Variants in RIMS2 observed in about 807,000 individuals in gnomAD.
RIMS2 encodes the protein regulating synaptic membrane exocytosis 2.
In RIMS2, 59 loss-of-function variants were observed where a neutral mutation model predicts 174.4. That is an observed-to-expected ratio of 0.34 (90% CI 0.27 to 0.42). RIMS2 has a LOEUF of 0.42. Ranked by LOEUF, RIMS2 falls within the 10% of genes least tolerant of loss-of-function variation. RIMS2 has a pLI of 1.00. For missense variants in RIMS2, 1,620 were observed against 1,666.3 expected (o/e 0.97, Z 0.48); for synonymous variants, 606 against 572.5 (o/e 1.06, Z -0.84).
intron 1 of RIMS2, among the ~76,000 whole-genome samples, chr8:103,579,290 GACAC>G (rs756018657): frequency 7.9e-6 from 1 of 127,000 alleles, no homozygotes; most frequent in East Asian, 2.0e-4. Context: ...CACACACACA[GACAC>G]ACACACACAC....
rs192335115 is a variant in RIMS2 at position 103,724,462 on chromosome 8, A to G, written c.387+27166A>G. ...ATTTCAGGTTTTTTCTTTTGACTTC[A>G]TTTAGATGTAAAACCATTTAATTGC... is the stretch of plus-strand genomic sequence containing the variant. On this transcript the variant is annotated intron_variant, in intron 2 of 23. Coordinates refer to ENST00000504942, the Ensembl canonical transcript of RIMS2. Among the ~76,000 whole-genome samples the G allele has an allele frequency of 4.5e-4, 69 of 152,174 alleles. No homozygotes were observed. In the East Asian group the frequency reaches 0.012, roughly 26 times the overall value.
At chr8:103,912,195 T>C in intron 6 of RIMS2, 23 bp downstream of exon 9, 1 of 1,590,284 alleles carries the variant, frequency 6.3e-7, no homozygotes, top group East Asian at 2.3e-5. Flanking sequence ...AAGTATGAGA[T>C]TTTGGCTCTA....
intron 23 of RIMS2, 49 bp downstream of exon 29, chr8:104,251,212 G>T (rs1189383747): frequency 4.8e-6 from 7 of 1,451,710 alleles, no homozygotes; most frequent in Non-Finnish European, 5.7e-6. Flanking sequence ...TTTTTCATGG[G>T]GTCAGACATT....
At chr8:103,927,053 TTG>T (rs897843068) in intron 10 of RIMS2, among the ~76,000 whole-genome samples, 1 of 151,420 alleles carries the variant, frequency 6.6e-6, no homozygotes, top group Non-Finnish European at 1.5e-5. Context: ...CCTCATAAGG[TTG>T]TTGGACATAC....
intron 19 of RIMS2, among the ~76,000 whole-genome samples, chr8:104,102,743 A>T (rs1159053883): frequency 6.6e-6 from 1 of 152,172 alleles, no homozygotes; most frequent in Non-Finnish European, 1.5e-5. Flanking sequence ...TTATAAAACC[A>T]TCAGATCTCA....
intron 3 of RIMS2, among the ~76,000 whole-genome samples, chr8:103,857,568 A>T (rs1219747905): frequency 1.3e-5 from 2 of 152,016 alleles, no homozygotes; most frequent in African/African-American, 2.4e-5. Context: ...AGTTGTGTGT[A>T]TTCTGGCCTT....
intron 19 of RIMS2, among the ~76,000 whole-genome samples, chr8:104,122,964 ATG>A (rs1210102368): frequency 2.6e-5 from 4 of 152,156 alleles, no homozygotes; most frequent in African/African-American, 9.6e-5. Flanking sequence ...TGAATAAAGA[ATG>A]TATGATTTAC....
chr8:104,111,282 T>C (rs1345775074), intron 19 of RIMS2, among the ~76,000 whole-genome samples: 1 of 152,192 alleles, frequency 6.6e-6, no homozygotes, highest in Non-Finnish European at 1.5e-5. Flanking sequence ...GAATTGATCA[T>C]TTTTGCTGAC....
At chr8:104,247,460 G>A (rs185209392) in intron 20 of RIMS2, among the ~76,000 whole-genome samples, 16 of 152,220 alleles carry the variant, frequency 1.1e-4, no homozygotes, top group East Asian at 5.8e-4. Context: ...AGGGCACCAC[G>A]CAAATGGCCT....
intron 19 of RIMS2, among the ~76,000 whole-genome samples, chr8:104,134,364 C>G (rs1224722720): frequency 2.0e-5 from 3 of 152,156 alleles, no homozygotes; most frequent in Non-Finnish European, 4.4e-5. Context: ...ACTCTGGAGG[C>G]TGAGGTAGGA....
At chr8:103,806,808 C>T (rs1468627198) in intron 3 of RIMS2, among the ~76,000 whole-genome samples, 1 of 151,810 alleles carries the variant, frequency 6.6e-6, no homozygotes, top group African/African-American at 2.4e-5. Context: ...GTTGATAGAA[C>T]CTACCGATAG....
chr8:103,561,842 G>T lies in RIMS2; in HGVS notation c.176+60780G>T, dbSNP rs889209945. 1.1e-4 allele frequency among the ~76,000 whole-genome samples: 17 copies of T among 152,158 alleles called. 1 individual carries two copies. The highest frequency in any genetic ancestry group is 1.1e-3 in the Admixed American group (17 of 15,276). ...CAATTTACAAAAGAGAGGTTTAATGGACTTACAGTTCCACATGGCTGGTGA... is the reference window on the plus strand; with the variant it reads ...CAATTTACAAAAGAGAGGTTTAATGTACTTACAGTTCCACATGGCTGGTGA... On this transcript the variant is annotated intron_variant, in intron 1 of 23. Transcript: ENST00000504942.
intron 1 of RIMS2, among the ~76,000 whole-genome samples, chr8:103,602,537 T>C (rs1211323511): frequency 6.6e-6 from 1 of 152,194 alleles, no homozygotes; most frequent in Non-Finnish European, 1.5e-5. Flanking sequence ...AGCTCCCACT[T>C]ACAAGTGAGA....
intron 22 of RIMS2, 147 bp from the exon 29 acceptor site, chr8:104,250,877 A>G (rs898305111): frequency 2.4e-5 from 16 of 672,214 alleles, no homozygotes; most frequent in Non-Finnish European, 3.6e-5. Flanking sequence ...CTGTTTATCT[A>G]ATGATTTTGA....
chr8:103,566,154 A>C (rs908341933), intron 1 of RIMS2, among the ~76,000 whole-genome samples: 2 of 152,304 alleles, frequency 1.3e-5, no homozygotes, highest in Non-Finnish European at 2.9e-5. Flanking sequence ...AATTTGAGTC[A>C]AATCCAGTGC....
chr8:103,959,556 G>T (rs541811731), intron 14 of RIMS2, among the ~76,000 whole-genome samples: 4 of 151,686 alleles, frequency 2.6e-5, no homozygotes, highest in African/African-American at 9.7e-5. Flanking sequence ...GGTGCATGCC[G>T]CCATGCCTGA....
intron 1 of RIMS2, among the ~76,000 whole-genome samples, chr8:103,676,754 G>A (rs756965315): frequency 3.9e-5 from 6 of 152,106 alleles, no homozygotes; most frequent in African/African-American, 1.4e-4. Flanking sequence ...AGGCCAAGGA[G>A]GGTGGATCAC....
At chr8:103,766,155 A>T (rs2154424100) in intron 2 of RIMS2, 72 bp from the exon 6 acceptor site, 1 of 1,115,782 alleles carries the variant, frequency 9.0e-7, no homozygotes, top group Non-Finnish European at 1.3e-6. Context: ...GTTTGCTTGA[A>T]TTTTTGTCTC....
intron 1 of RIMS2, chr8:103,652,651 A>G: frequency 8.1e-6 from 11 of 1,350,618 alleles, no homozygotes; most frequent in Non-Finnish European, 1.1e-5. Flanking sequence ...GAATCACTGA[A>G]CTGGTAAATA....
Sources: allele counts gnomAD v4.1 joint callset (sites outside exome capture counted in the v4.1 genomes callset), GRCh38; gene constraint gnomAD v4.1.1; transcripts MANE v1.5; gene names NCBI Gene and HGNC (gene_info 2026-07-23, HGNC 2026-07-21).